The following ADAM10 variants were observed in gnomAD, a reference collection of about 807,000 sequenced individuals.
ADAM10 encodes ADAM metallopeptidase domain 10.
ADAM10 carries 17 observed loss-of-function variants against 90.1 expected under a neutral mutation model. The observed-to-expected ratio is 0.19, with a 90% confidence interval of 0.13 to 0.28. The LOEUF (loss-of-function observed/expected upper bound fraction) is 0.28. Among genes scored for constraint, ADAM10 ranks in the 10% least tolerant of loss-of-function variants. The probability of loss-of-function intolerance (pLI) is 1.00; values close to 1 mark genes in which losing one functional copy is unlikely to be tolerated. For missense variants in ADAM10, 610 were observed against 914.3 expected, an observed-to-expected ratio of 0.67 and a Z score of 4.29; for synonymous variants, 310 against 298.6, an observed-to-expected ratio of 1.04 and a Z score of -0.40.
chr15:58,742,124 T>C (rs1221243963), intron 1 of ADAM10, among the ~76,000 whole-genome samples: 1 of 152,216 alleles, frequency 6.6e-6, no homozygotes, highest in Non-Finnish European at 1.5e-5. Context: ...ACTTTTCTTC[T>C]CACTTAATAC....
At chr15:58,706,707 T>C (rs778339118) in intron 2 of ADAM10, among the ~76,000 whole-genome samples, 2 of 152,066 alleles carry the variant, frequency 1.3e-5, no homozygotes, top group Non-Finnish European at 2.9e-5. Flanking sequence ...ACCAGGCATC[T>C]TCCACAGAAA....
At chr15:58,653,662 G>A (rs1197748345) in intron 5 of ADAM10, among the ~76,000 whole-genome samples, 4 of 152,196 alleles carry the variant, frequency 2.6e-5, no homozygotes, top group African/African-American at 7.2e-5. Context: ...GAGACATAAT[G>A]GCCTGTCATT....
chr15:58,647,984 C>T lies in ADAM10; in HGVS notation c.586-1780G>A, dbSNP rs144240590. ...AGAACCCAAATTGAATTTTAAGTCA[C>T]AATTTCTTCTTCCTTGACATTTCCT... is the stretch of plus-strand genomic sequence containing the variant. On this transcript the variant is annotated intron_variant, in intron 5 of 15. Coordinates refer to ENST00000260408, the MANE Select transcript of ADAM10 (RefSeq NM_001110.4). 1.6e-4 allele frequency among the ~76,000 whole-genome samples: 25 copies of T among 152,292 alleles called. No homozygotes were observed. In the East Asian group the frequency reaches 2.3e-3, roughly 14 times the overall value.
intron 2 of ADAM10, among the ~76,000 whole-genome samples, chr15:58,691,802 C>T (rs1325699972): frequency 1.3e-5 from 2 of 151,264 alleles, no homozygotes; most frequent in South Asian, 2.1e-4. Context: ...CCTGCCTCAG[C>T]CTCCCAAGTA....
chr15:58,655,268 T>C (rs1351536741), intron 5 of ADAM10: 1 of 153,010 alleles, frequency 6.5e-6, no homozygotes, highest in Non-Finnish European at 1.5e-5. Flanking sequence ...AGAGTTTTAA[T>C]TGGCTCATCG....
At chr15:58,676,609 T>C (rs1306601685) in intron 4 of ADAM10, among the ~76,000 whole-genome samples, 1 of 152,188 alleles carries the variant, frequency 6.6e-6, no homozygotes, top group Admixed American at 6.5e-5. Flanking sequence ...TTATGTCATA[T>C]GAAATATATA....
intron 4 of ADAM10, among the ~76,000 whole-genome samples, chr15:58,667,923 G>A (rs1897114355): frequency 6.6e-6 from 1 of 151,902 alleles, no homozygotes; most frequent in Non-Finnish European, 1.5e-5. Context: ...AGGGTAAGTG[G>A]GCATAAGAAA....
intron 4 of ADAM10, chr15:58,676,239 A>G (rs1404563941): frequency 2.2e-6 from 1 of 454,018 alleles, no homozygotes; most frequent in African/African-American, 2.0e-5. Context: ...GGTAAAGAAC[A>G]GGAGGTCCAC....
intron 1 of ADAM10, 62 bp downstream of exon 1, chr15:58,749,418 C>T: frequency 1.4e-6 from 2 of 1,479,586 alleles, no homozygotes; most frequent in Non-Finnish European, 1.8e-6. Context: ...CTGGGCTCCG[C>T]TCGGCCCGGC....
intron 5 of ADAM10, 23 bp from the exon 6 acceptor site, chr15:58,646,227 T>A: frequency 6.2e-7 from 1 of 1,606,708 alleles, no homozygotes; most frequent in Non-Finnish European, 8.5e-7. Context: ...AAGTCATTTC[T>A]GACAATTAGT....
At chr15:58,734,752 C>G (rs1429868165) in intron 1 of ADAM10, among the ~76,000 whole-genome samples, 1 of 150,068 alleles carries the variant, frequency 6.7e-6, no homozygotes, top group African/African-American at 2.4e-5. Context: ...AAATACAGCA[C>G]ATGGCAAAAA....
intron 2 of ADAM10, 107 bp from the exon 3 acceptor site, chr15:58,682,421 T>A (rs1210776369): frequency 6.8e-7 from 1 of 1,469,308 alleles, no homozygotes; most frequent in Non-Finnish European, 9.0e-7. Flanking sequence ...TGTTATGAAA[T>A]TTGTCTATTT....
intron 2 of ADAM10, among the ~76,000 whole-genome samples, chr15:58,690,899 A>G (rs1897761770): frequency 6.6e-6 from 1 of 152,222 alleles, no homozygotes; most frequent in African/African-American, 2.4e-5. Flanking sequence ...GGGAGAAGCC[A>G]GAAGAGAGCA....
At chr15:58,726,877 A>AAGGGGAGGGGAGAGG (rs1899048640) in intron 1 of ADAM10, among the ~76,000 whole-genome samples, 4 of 142,126 alleles carry the variant, frequency 2.8e-5, no homozygotes, top group Admixed American at 2.8e-4. Flanking sequence ...TCCATCTCCG[A>AAGGGGAGGGGAGAGG]AGGGGAGGGG....
At chr15:58,657,024 C>T (rs567015989) in intron 5 of ADAM10, among the ~76,000 whole-genome samples, 1 of 152,334 alleles carries the variant, frequency 6.6e-6, no homozygotes, top group East Asian at 1.9e-4. Context: ...CCACTCTCTC[C>T]TGGCCTGTAA....
intron 2 of ADAM10, chr15:58,707,430 C>G (rs1396290477): frequency 6.6e-6 from 1 of 151,680 alleles, no homozygotes. Flanking sequence ...AAACACAGTT[C>G]CAGGCTTAAC....
At chr15:58,640,067 G>C (rs180821232) in intron 8 of ADAM10, among the ~76,000 whole-genome samples, 1 of 152,226 alleles carries the variant, frequency 6.6e-6, no homozygotes, top group Admixed American at 6.5e-5. Context: ...CTAGGCAACT[G>C]AACTTATACA....
intron 10 of ADAM10, among the ~76,000 whole-genome samples, chr15:58,626,744 T>C (rs968460595): frequency 1.4e-4 from 22 of 152,138 alleles, no homozygotes; most frequent in Non-Finnish European, 2.4e-4. Flanking sequence ...TTACATGAGA[T>C]ACCCAGAATA....
chr15:58,670,623 T>C (rs1897170949), intron 4 of ADAM10, among the ~76,000 whole-genome samples: 1 of 152,082 alleles, frequency 6.6e-6, no homozygotes. Flanking sequence ...TAACTGTACA[T>C]GAAATTTAAA....
Sources: gnomAD v4.1 joint callset for allele counts (sites outside exome capture counted in the v4.1 genomes callset) on GRCh38, gnomAD v4.1.1 for gene constraint, MANE v1.5 for transcripts, NCBI Gene and HGNC (gene_info 2026-07-23, HGNC 2026-07-21) for gene names.